Variants in CRTAC1 observed in about 807,000 individuals in gnomAD.
The protein encoded by CRTAC1 is cartilage acidic protein 1.
In CRTAC1, 37 loss-of-function variants were observed where a neutral mutation model predicts 67.8. The ratio of observed to expected loss-of-function variants is 0.55; its 90% CI spans 0.42 to 0.72. The LOEUF (loss-of-function observed/expected upper bound fraction) is 0.72, where lower values mean the gene tolerates loss of function less well. Among genes scored for constraint, CRTAC1 ranks in the 30% least tolerant of loss-of-function variants. CRTAC1 has a pLI of 0.00. For synonymous variants in CRTAC1, 348 were observed against 371.0 expected (o/e 0.94, Z 0.71); for missense variants, 780 against 931.6 (o/e 0.84, Z 2.12).
intron 5 of CRTAC1, 128 bp downstream of exon 5, chr10:97,917,372 C>T (rs2050774088): frequency 1.6e-6 from 1 of 633,130 alleles, no homozygotes; most frequent in Non-Finnish European, 2.4e-6. Flanking sequence ...GAGCCTTCAT[C>T]TCCCCTCACC....
At chr10:97,921,394 T>C (rs890489072) in intron 4 of CRTAC1, among the ~76,000 whole-genome samples, 1 of 152,146 alleles carries the variant, frequency 6.6e-6, no homozygotes, top group Non-Finnish European at 1.5e-5. Flanking sequence ...TAAAAAGGCA[T>C]CTTCATTTTC....
At chr10:97,871,241 C>T (rs1176229771) in intron 14 of CRTAC1, 1 of 152,192 alleles carries the variant, frequency 6.6e-6, no homozygotes, top group Non-Finnish European at 1.5e-5. Context: ...CATGCAGGAT[C>T]CTGGAGCTGC....
rs781651561 is a variant in CRTAC1, at chr10:97,895,342, G to A, written c.1389C>T (p.Val463=). The change falls in exon 11 of 15, where the codon GTC becomes GTT. Residue 463 remains valine, a synonymous_variant. Coordinates refer to ENST00000370597, the MANE Select transcript of CRTAC1 (RefSeq NM_018058.7). The surrounding 1 kb of genome is among the most constrained non-coding windows in gnomAD (Gnocchi z 4.2). ...CCCCACTCTTCTTGGTGTAGAGCAC[G>A]ACCTTAGCTCCCCTGGCAAAGGCCC... The part of the protein sequence containing the change: ...RFGAFARGAK[V]VLYTKKSGAH... 4.9e-5 allele frequency: 79 copies of A among 1,613,616 alleles called. No individual in the cohort carries two copies. The highest frequency in any genetic ancestry group is 1.3e-4 in the Admixed American group (8 of 59,954).
chr10:97,882,665 C>G lies in CRTAC1; in HGVS notation c.1675+121G>C. 5 of 1,011,518 alleles carry G rather than the reference C, an allele frequency of 4.9e-6. No homozygotes were observed. In the South Asian group the frequency reaches 7.3e-5, roughly 15 times the overall value. 62.7% of individuals were successfully genotyped at this position (1,011,518 alleles called of 1,614,324 possible). A position where few individuals can be genotyped will look rare whatever the true frequency, so the allele number is the denominator to read the frequency against. The stretch of plus-strand genomic sequence containing the variant: ...ATCTGGAGTCCCAGGACAAACAACA[C>G]CCTCCCCTGTCCTCCTTTCTGCCCC... On this transcript the variant is annotated intron_variant, in intron 13 of 14. Transcript: ENST00000370597.
At chr10:97,896,078 G>C in intron 9 of CRTAC1, 93 bp from the exon 10 acceptor site, 2 of 1,129,534 alleles carry the variant, frequency 1.8e-6, no homozygotes, top group Non-Finnish European at 2.6e-6. Flanking sequence ...ACAGCCCTGG[G>C]CGTGGGAGCC....
chr10:97,871,809 G>A (rs1480630528), intron 14 of CRTAC1, among the ~76,000 whole-genome samples: 1 of 152,230 alleles, frequency 6.6e-6, no homozygotes, highest in Non-Finnish European at 1.5e-5. Context: ...ATAGAAGACA[G>A]ATTCCAGACC....
At chr10:97,924,733 G>A (rs768120407) in intron 3 of CRTAC1, among the ~76,000 whole-genome samples, 1 of 152,298 alleles carries the variant, frequency 6.6e-6, no homozygotes, top group Non-Finnish European at 1.5e-5. Context: ...GCTATTTTTC[G>A]ACAGGAATGA....
chr10:98,000,241 A>G (rs1842663943), intron 2 of CRTAC1, among the ~76,000 whole-genome samples: 1 of 152,216 alleles, frequency 6.6e-6, no homozygotes, highest in African/African-American at 2.4e-5. Context: ...TTGTGGGAAG[A>G]GAGAAGGAGA....
At chr10:97,950,238 C>CAG (rs564204105) in intron 2 of CRTAC1, among the ~76,000 whole-genome samples, 5,237 of 69,096 alleles carry the variant, frequency 0.076, 140 homozygotes, top group African/African-American at 0.11. Context: ...TACGTGCACA[C>CAG]ACACACACAG....
chr10:97,985,199 C>T (rs1320063756), intron 2 of CRTAC1, among the ~76,000 whole-genome samples: 1 of 152,082 alleles, frequency 6.6e-6, no homozygotes. Flanking sequence ...TGCTAGGCAC[C>T]AAAAAATGAC....
intron 8 of CRTAC1, among the ~76,000 whole-genome samples, chr10:97,897,682 G>A (rs1017359528): frequency 1.3e-5 from 2 of 152,228 alleles, no homozygotes; most frequent in African/African-American, 4.8e-5. Context: ...GAATCTTGAT[G>A]TTATTTATTT....
At chr10:98,005,096 A>ATTTTTTTTTTTTT (rs1247445698) in intron 2 of CRTAC1, among the ~76,000 whole-genome samples, 8 of 33,012 alleles carry the variant, frequency 2.4e-4, no homozygotes, top group East Asian at 1.2e-3. Flanking sequence ...ATATATATAT[A>ATTTTTTTTTTTTT]TATATTTTTT....
chr10:97,882,957 T>C, intron 12 of CRTAC1, 129 bp from the exon 13 acceptor site: 1 of 924,694 alleles, frequency 1.1e-6, no homozygotes, highest in Admixed American at 2.2e-5. Context: ...GCTCTGGGCC[T>C]GGGGGGAGCC....
At chr10:97,872,388 G>A (rs1191852704) in intron 14 of CRTAC1, among the ~76,000 whole-genome samples, 1 of 152,180 alleles carries the variant, frequency 6.6e-6, no homozygotes, top group Non-Finnish European at 1.5e-5. Flanking sequence ...CCTGAGCTGG[G>A]CAGCAGCTCT....
intron 14 of CRTAC1, among the ~76,000 whole-genome samples, chr10:97,879,192 A>G (rs2050180239): frequency 6.6e-6 from 1 of 152,132 alleles, no homozygotes; most frequent in African/African-American, 2.4e-5. Context: ...AAGAGTCCCA[A>G]AGGACCACCC....
chr10:97,970,315 C>T (rs1184664124), intron 2 of CRTAC1, among the ~76,000 whole-genome samples: 1 of 152,198 alleles, frequency 6.6e-6, no homozygotes, highest in Non-Finnish European at 1.5e-5. Context: ...TTCCTTCAGT[C>T]TATTCTCAAC....
At chr10:97,993,958 G>C (rs182294754) in intron 2 of CRTAC1, among the ~76,000 whole-genome samples, 1 of 152,094 alleles carries the variant, frequency 6.6e-6, no homozygotes, top group East Asian at 1.9e-4. Context: ...CTGGGTTCAA[G>C]TGATTTTCCT....
intron 5 of CRTAC1, among the ~76,000 whole-genome samples, chr10:97,912,579 T>A (rs916470549): frequency 4.6e-5 from 7 of 152,122 alleles, no homozygotes; most frequent in African/African-American, 1.7e-4. Flanking sequence ...TCAGACTGCA[T>A]CTGGGCCAGC....
chr10:97,965,939 C>A (rs758054275), intron 2 of CRTAC1, among the ~76,000 whole-genome samples: 19 of 152,160 alleles, frequency 1.2e-4, no homozygotes, highest in Non-Finnish European at 2.8e-4. Flanking sequence ...AAGGAGATGA[C>A]AGATGGGGCA....
Sources: allele counts gnomAD v4.1 joint callset (sites outside exome capture counted in the v4.1 genomes callset), GRCh38; gene constraint gnomAD v4.1.1; non-coding constraint Gnocchi (gnomAD v3.1); transcripts MANE v1.5; gene names NCBI Gene and HGNC (gene_info 2026-07-23, HGNC 2026-07-21).